CTTNBP2: variants seen among roughly 807,000 people sequenced by gnomAD.
CTTNBP2 encodes the protein cortactin-binding protein 2.
CTTNBP2 carries 108 observed loss-of-function variants against 156.9 expected under a neutral mutation model. The ratio of observed to expected loss-of-function variants is 0.69; its 90% CI spans 0.59 to 0.81. The LOEUF is 0.81. CTTNBP2 is among the 30% of genes least tolerant of loss of function. The pLI, the probability that CTTNBP2 is intolerant of heterozygous loss-of-function variation, is 0.00. For synonymous variants in CTTNBP2, 767 were observed against 751.8 expected, an observed-to-expected ratio of 1.02 and a Z score of -0.33; for missense variants, 1,924 against 2,035.4, an observed-to-expected ratio of 0.95 and a Z score of 1.05.
chr7:117,777,783 A>T lies in CTTNBP2; in HGVS notation c.2524-18T>A. ...CAGCCATCCTGAAAATAAAATGACC[A>T]GGGGGAAAGGGTTGATAACAACATT... On this transcript the variant is annotated intron_variant, in intron 7 of 22. Transcript: ENST00000160373. The T allele has an allele frequency of 6.3e-7, 1 of 1,594,378 alleles. No individual in the cohort carries two copies. The highest frequency in any genetic ancestry group is 8.6e-7 in the Non-Finnish European group (1 of 1,168,852).
chr7:117,834,809 C>A (rs1382775465), intron 2 of CTTNBP2, among the ~76,000 whole-genome samples: 1 of 152,160 alleles, frequency 6.6e-6, no homozygotes, highest in Non-Finnish European at 1.5e-5. Flanking sequence ...ATAATTTATT[C>A]TATTTTGTTT....
rs1272642844 is a variant in CTTNBP2 at position 117,814,539 on chromosome 7, C to T, written c.190-3550G>A. On this transcript the variant is annotated intron_variant, in intron 2 of 22. Transcript: ENST00000160373. ...CTCTCAGGCTTTAGTGATCTTCCCA[C>T]ACCTCAGCTTCCCGAGTAGCTGAGA... Among the ~76,000 whole-genome samples the T allele has an allele frequency of 3.3e-5, 5 of 152,168 alleles. No homozygotes were observed. In the East Asian group the frequency reaches 9.6e-4, roughly 29 times the overall value.
chr7:117,760,878 T>G (rs1354620804), intron 9 of CTTNBP2, among the ~76,000 whole-genome samples, 168 bp from the exon 10 acceptor site: 1 of 152,224 alleles, frequency 6.6e-6, no homozygotes, highest in Non-Finnish European at 1.5e-5. Flanking sequence ...AGTAAACTTT[T>G]GTCTCCCAAT....
chr7:117,795,802 T>C (rs1419312916), intron 3 of CTTNBP2, among the ~76,000 whole-genome samples: 1 of 152,256 alleles, frequency 6.6e-6, no homozygotes, highest in African/African-American at 2.4e-5. Context: ...TATCTCAAAC[T>C]AATACATGTC....
At chr7:117,714,039 G>C (rs1352125920) in intron 22 of CTTNBP2, 5 of 152,202 alleles carry the variant, frequency 3.3e-5, no homozygotes, top group Admixed American at 2.0e-4. Flanking sequence ...CTACGTCCGA[G>C]GAAGCCTGGA....
intron 2 of CTTNBP2, among the ~76,000 whole-genome samples, chr7:117,826,861 T>TTA (rs1158210483): frequency 6.9e-6 from 1 of 145,880 alleles, no homozygotes; most frequent in Non-Finnish European, 1.5e-5. Context: ...ATTATTATTA[T>TTA]TATTATTATT....
chr7:117,789,656 A>T (rs1798884574), intron 4 of CTTNBP2, among the ~76,000 whole-genome samples: 1 of 152,230 alleles, frequency 6.6e-6, no homozygotes, highest in Non-Finnish European at 1.5e-5. Flanking sequence ...TCCATAGCAA[A>T]TTCTCAAAAA....
At chr7:117,740,415 G>A (rs1795937339) in intron 14 of CTTNBP2, among the ~76,000 whole-genome samples, 1 of 152,126 alleles carries the variant, frequency 6.6e-6, no homozygotes, top group South Asian at 2.1e-4. Context: ...AAGGCAATGT[G>A]TGCTGTGCTC....
chr7:117,790,541 T>C (rs1798934286), intron 4 of CTTNBP2, among the ~76,000 whole-genome samples: 1 of 152,058 alleles, frequency 6.6e-6, no homozygotes, highest in South Asian at 2.1e-4. Context: ...TACATGGCTT[T>C]TGAAATAAAC....
chr7:117,725,346 G>T, intron 17 of CTTNBP2, 89 bp from the exon 18 acceptor site: 1 of 1,186,620 alleles, frequency 8.4e-7, no homozygotes, highest in Non-Finnish European at 1.2e-6. Flanking sequence ...GAAGACTATG[G>T]GGAAAAAACG....
At chr7:117,764,689 C>A (rs1300314391) in intron 9 of CTTNBP2, among the ~76,000 whole-genome samples, 1 of 151,992 alleles carries the variant, frequency 6.6e-6, no homozygotes. Flanking sequence ...TACTTGGTAC[C>A]TTTAAAATAT....
chr7:117,792,688 C>A lies in CTTNBP2; in HGVS notation c.508G>T (p.Val170Leu). 1 of 1,613,796 alleles carries A rather than the reference C, an allele frequency of 6.2e-7. No homozygotes were observed. Among genetic ancestry groups the A allele is most frequent in the Non-Finnish European group, 8.5e-7 (1 of 1,179,878 alleles). ...CACTCTTTGACCAGCATCAGGACCA[C>A]CTGCTTGTTCTTGCCACGCTCTTCC... ...LEEERGKNKQ[V>L]VLMLVKECKQ... Residue 170 changes from valine to leucine, a missense_variant, in exon 4 of 23, where the codon GTG (valine) becomes TTG (leucine). Transcript: ENST00000160373. This position sits in a 1 kb window ranked among gnomAD's most constrained non-coding sequence, Gnocchi z 4.2.
intron 2 of CTTNBP2, among the ~76,000 whole-genome samples, chr7:117,842,741 A>C (rs544916173): frequency 6.6e-6 from 1 of 151,810 alleles, no homozygotes; most frequent in African/African-American, 2.4e-5. Context: ...AGACAAAACC[A>C]AGAAATTATT....
chr7:117,851,772 A>C (rs1802943590), intron 2 of CTTNBP2, among the ~76,000 whole-genome samples: 1 of 152,224 alleles, frequency 6.6e-6, no homozygotes. Context: ...CCTCTGATGT[A>C]GCCAAGCAGA....
At chr7:117,753,144 A>G (rs1406103404) in intron 12 of CTTNBP2, among the ~76,000 whole-genome samples, 1 of 152,242 alleles carries the variant, frequency 6.6e-6, no homozygotes, top group Non-Finnish European at 1.5e-5. Context: ...TGGCCAACAC[A>G]TGAAAAAAAG....
chr7:117,825,778 T>C (rs548286443), intron 2 of CTTNBP2, among the ~76,000 whole-genome samples: 2 of 152,296 alleles, frequency 1.3e-5, no homozygotes, highest in African/African-American at 4.8e-5. Context: ...AAATAATGCA[T>C]GTAAGGCACT....
intron 3 of CTTNBP2, among the ~76,000 whole-genome samples, chr7:117,793,171 ATC>A (rs1799130164): frequency 1.3e-5 from 2 of 152,206 alleles, no homozygotes; most frequent in African/African-American, 4.8e-5. Flanking sequence ...AAAATTATTA[ATC>A]TCTGAGGTAA....
At chr7:117,846,032 T>C (rs1052014338) in intron 2 of CTTNBP2, among the ~76,000 whole-genome samples, 2 of 141,746 alleles carry the variant, frequency 1.4e-5, no homozygotes, top group African/African-American at 5.2e-5. Flanking sequence ...TTTGTATTTT[T>C]AGTAGAGACA....
chr7:117,752,292 A>G (rs1796656143), intron 12 of CTTNBP2, among the ~76,000 whole-genome samples: 1 of 152,196 alleles, frequency 6.6e-6, no homozygotes, highest in Non-Finnish European at 1.5e-5. Flanking sequence ...CACTCAGATC[A>G]AGATGACCGA....
Sources: gnomAD v4.1 joint callset for allele counts (sites outside exome capture counted in the v4.1 genomes callset) on GRCh38, gnomAD v4.1.1 for gene constraint, Gnocchi (gnomAD v3.1) non-coding constraint, MANE v1.5 for transcripts, NCBI Gene and HGNC (gene_info 2026-07-23, HGNC 2026-07-21) for gene names.